CNTN2: variants seen among roughly 807,000 people sequenced by gnomAD.
The protein encoded by CNTN2 is contactin 2, also known as contactin-2.
In CNTN2, 53 loss-of-function variants were observed where a neutral mutation model predicts 117.5. That is an observed-to-expected ratio of 0.45 (90% CI 0.36 to 0.57). CNTN2 has a LOEUF of 0.57. Among genes scored for constraint, CNTN2 ranks in the 20% least tolerant of loss-of-function variants. The pLI, the probability that CNTN2 is intolerant of heterozygous loss-of-function variation, is 0.00. For missense variants in CNTN2, 1,106 were observed against 1,404.3 expected, an observed-to-expected ratio of 0.79 and a Z score of 3.39; for synonymous variants, 530 against 561.7, an observed-to-expected ratio of 0.94 and a Z score of 0.80.
rs968239273 is a variant in CNTN2 at position 205,074,550 on chromosome 1, G to A, written c.*785G>A. 3.8e-5 allele frequency: 15 copies of A among 398,220 alleles called. No individual in the cohort carries two copies. Among genetic ancestry groups the A allele is most frequent in the Non-Finnish European group, 4.4e-5 (10 of 226,118 alleles). The allele number at this position is 398,220 out of a possible 1,614,324, so 24.7% of individuals were successfully genotyped here. On this transcript the variant is annotated 3_prime_UTR_variant, in exon 23 of 23. Transcript: ENST00000331830. ...ACTGCCAACCTGACCCTGTCATCCCGATTGACAGCGCCACTTCAGGTGGCT... is the reference window on the plus strand; with the variant it reads ...ACTGCCAACCTGACCCTGTCATCCCAATTGACAGCGCCACTTCAGGTGGCT...
chr1:205,074,324 G>A lies in CNTN2; in HGVS notation c.*559G>A. On this transcript the variant is annotated 3_prime_UTR_variant, in exon 23 of 23. Coordinates refer to ENST00000331830, the MANE Select transcript of CNTN2 (RefSeq NM_005076.5). ...CCCCGATAACTCCCTAGGGGCTCCT[G>A]CCTGCCCAAGCGGCTGAGAACCAGC... 1 of 400,430 alleles carries A rather than the reference G, an allele frequency of 2.5e-6. No homozygotes were observed. The highest frequency in any genetic ancestry group is 4.4e-6 in the Non-Finnish European group (1 of 227,026). The allele number at this position is 400,430 out of a possible 1,614,324, so 24.8% of individuals were successfully genotyped here.
intron 2 of CNTN2, 69 bp from the exon 3 acceptor site, chr1:205,057,852 C>T: frequency 1.3e-6 from 2 of 1,561,862 alleles, no homozygotes; most frequent in Non-Finnish European, 8.7e-7. Flanking sequence ...TACTGGACAG[C>T]ACAGCCCAAG....
chr1:205,064,812 C>T, intron 12 of CNTN2, 62 bp downstream of exon 12: 1 of 1,591,134 alleles, frequency 6.3e-7, no homozygotes, highest in Non-Finnish European at 8.6e-7. Context: ...TCCTCCCCAT[C>T]ATCCTGCTCC....
At chr1:205,070,186 G>T in intron 18 of CNTN2, 125 bp downstream of exon 18, 1 of 942,260 alleles carries the variant, frequency 1.1e-6, no homozygotes, top group Non-Finnish European at 1.6e-6. Flanking sequence ...GGACACCTGG[G>T]TTCCACATCA....
At position 205,073,852 on chromosome 1, in the gene CNTN2, A is replaced by G; in HGVS notation, c.*87A>G. 3 of 1,088,456 alleles carry G rather than the reference A, an allele frequency of 2.8e-6. No individual in the cohort carries two copies. Among genetic ancestry groups the G allele is most frequent in the Non-Finnish European group, 4.1e-6 (3 of 728,164 alleles). The allele number at this position is 1,088,456 out of a possible 1,614,324, so 67.4% of individuals were successfully genotyped here. A position where few individuals can be genotyped will look rare whatever the true frequency, so the allele number is the denominator to read the frequency against. ...CTTCCTGCTGCCAAGGTGGCCTGAC[A>G]CTGTGCCAGAGAGTGGCTGGTTTTA... On this transcript the variant is annotated 3_prime_UTR_variant, in exon 23 of 23. Transcript: ENST00000331830. The surrounding 1 kb of genome is among the most constrained non-coding windows in gnomAD (Gnocchi z 6.3).
chr1:205,050,853 A>G (rs1020539132), intron 1 of CNTN2, among the ~76,000 whole-genome samples: 1 of 152,182 alleles, frequency 6.6e-6, no homozygotes, highest in Non-Finnish European at 1.5e-5. Flanking sequence ...TCCTGACCTC[A>G]GGTGATCCAC....
At position 205,064,308 on chromosome 1, in the gene CNTN2, C is replaced by T. The variant is rs950605444; in HGVS notation, c.1241-14C>T. The T allele has an allele frequency of 3.2e-6, 5 of 1,547,436 alleles. No homozygotes were observed. Among genetic ancestry groups the T allele is most frequent in the Non-Finnish European group, 4.4e-6 (5 of 1,143,330 alleles). On this transcript the variant is annotated splice_polypyrimidine_tract_variant and intron_variant, in intron 10 of 22. Coordinates refer to ENST00000331830, the MANE Select transcript of CNTN2 (RefSeq NM_005076.5). ...GACAGTACTTTTCTCTGTGGCTCTC[C>T]CCTTTCCTTCTAGCACTCGCCCCTG...
In CNTN2 at chr1:205,065,126, T is replaced by C. The variant is rs1654208970; in HGVS notation, c.1559T>C (p.Ile520Thr). ...ACTCTAGCCCCCTCAAGTGCCGACATCAACTTGGGTGACAACCTGACCCTA... is the reference window on the plus strand; with the variant it reads ...ACTCTAGCCCCCTCAAGTGCCGACACCAACTTGGGTGACAACCTGACCCTA... Reference protein sequence around the residue: ...KITLAPSSADINLGDNLTLQC... With the variant: ...KITLAPSSADTNLGDNLTLQC... The change falls in exon 13 of 23, where the codon ATC becomes ACC. Residue 520 changes from isoleucine (I) to threonine (T), a missense_variant. By Grantham distance (89) the Ile-to-Thr change is moderately conservative. Transcript: ENST00000331830. The surrounding 1 kb of genome is among the most constrained non-coding windows in gnomAD (Gnocchi z 4.1). 1 of 1,614,054 alleles carries C rather than the reference T, an allele frequency of 6.2e-7. No homozygotes were observed. Among genetic ancestry groups the C allele is most frequent in the Non-Finnish European group, 8.5e-7 (1 of 1,180,010 alleles).
intron 20 of CNTN2, 111 bp from the exon 21 acceptor site, chr1:205,072,359 ATGACAGAATGTGC>A: frequency 5.8e-6 from 5 of 866,052 alleles, no homozygotes; most frequent in African/African-American, 1.7e-5. Context: ...TTTCGTGGGC[ATGACAGAATGTGC>A]TGGGTGTAAC....
chr1:205,049,295 C>T (rs1448929254), intron 1 of CNTN2, among the ~76,000 whole-genome samples: 9 of 145,026 alleles, frequency 6.2e-5, no homozygotes, highest in African/African-American at 2.4e-4. Context: ...CACACACACA[C>T]ACACACACAC....
Position 205,073,151 on chromosome 1 carries a change from C to T in CNTN2, c.2928C>T (p.Asp976=), listed in dbSNP as rs2151200798. 6.2e-7 allele frequency: 1 copy of T among 1,614,194 alleles called. No individual in the cohort carries two copies. The highest frequency in any genetic ancestry group is 8.5e-7 in the Non-Finnish European group (1 of 1,180,026). The change falls in exon 22 of 23, where the codon GAC becomes GAT. Residue 976 remains aspartate, a synonymous_variant. Coordinates refer to ENST00000331830, the MANE Select transcript of CNTN2 (RefSeq NM_005076.5). This position sits in a 1 kb window ranked among gnomAD's most constrained non-coding sequence, Gnocchi z 6.3. ...KNWIEIPVPE[D]IGHALVQIRT... is the part of the protein sequence containing the mutation. ...GGATAGAAATCCCAGTGCCTGAAGACATTGGCCATGCCCTGGTACAAATTC... is the reference window on the plus strand; with the variant it reads ...GGATAGAAATCCCAGTGCCTGAAGATATTGGCCATGCCCTGGTACAAATTC...
chr1:205,057,017 G>A (rs1310180738), intron 2 of CNTN2, among the ~76,000 whole-genome samples: 1 of 152,128 alleles, frequency 6.6e-6, no homozygotes, highest in African/African-American at 2.4e-5. Flanking sequence ...GTATAAAACT[G>A]CCACCAAAGC....
chr1:205,070,213 C>T, intron 18 of CNTN2, 152 bp downstream of exon 18: 1 of 789,792 alleles, frequency 1.3e-6, no homozygotes, highest in Non-Finnish European at 2.0e-6. Flanking sequence ...TCACTTCCAG[C>T]TCTTGCTACC....
At chr1:205,062,138 C>A in intron 9 of CNTN2, 137 bp downstream of exon 9, 1 of 1,096,352 alleles carries the variant, frequency 9.1e-7, no homozygotes, top group Non-Finnish European at 1.3e-6. Flanking sequence ...GTCCTAGGAC[C>A]ACCTAAGGAC....
intron 9 of CNTN2, 36 bp downstream of exon 9, chr1:205,062,037 C>T: frequency 6.2e-7 from 1 of 1,605,060 alleles, no homozygotes; most frequent in African/African-American, 1.3e-5. Context: ...CACATCACAA[C>T]TGTCCTCTGC....
At chr1:205,072,974 AC>A in intron 21 of CNTN2, 93 bp from the exon 22 acceptor site, 1 of 1,383,836 alleles carries the variant, frequency 7.2e-7, no homozygotes. Context: ...AGAGCCCAGA[AC>A]CATCGGGTCT....
chr1:205,045,855 T>G (rs1384523120), intron 1 of CNTN2, among the ~76,000 whole-genome samples: 1 of 152,170 alleles, frequency 6.6e-6, no homozygotes, highest in Non-Finnish European at 1.5e-5. Context: ...TGTGGAGAAC[T>G]GGGGTCTGGT....
Position 205,065,926 on chromosome 1 carries a change from C to A in CNTN2, c.1816+17C>A. The A allele has an allele frequency of 6.3e-7, 1 of 1,598,352 alleles. No individual in the cohort carries two copies. Among genetic ancestry groups the A allele is most frequent in the South Asian group, 1.1e-5 (1 of 88,424 alleles). ...TGGTCCGAGGTGAGGGGTTTCCCAC[C>A]TCTACCCCTACCCCAACTCCCTTAA... is the stretch of plus-strand genomic sequence containing the variant. On this transcript the variant is annotated intron_variant, in intron 14 of 22. Coordinates refer to ENST00000331830, the MANE Select transcript of CNTN2 (RefSeq NM_005076.5). The surrounding 1 kb of genome is among the most constrained non-coding windows in gnomAD (Gnocchi z 4.1).
chr1:205,057,905 G>C lies in CNTN2; in HGVS notation c.71-16G>C. 1 of 1,611,006 alleles carries C rather than the reference G, an allele frequency of 6.2e-7. No homozygotes were observed. The highest frequency in any genetic ancestry group is 8.5e-7 in the Non-Finnish European group (1 of 1,177,694). On this transcript the variant is annotated splice_polypyrimidine_tract_variant and intron_variant, in intron 2 of 22. Transcript: ENST00000331830. ...GGCCAAGGCTCTGAGGCATCTGGTG[G>C]TGTCATCACCTGCAGCTTGGAGTTC...
Sources: gnomAD v4.1 joint callset for allele counts (sites outside exome capture counted in the v4.1 genomes callset) on GRCh38, gnomAD v4.1.1 for gene constraint, Gnocchi (gnomAD v3.1) non-coding constraint, MANE v1.5 for transcripts, NCBI Gene and HGNC (gene_info 2026-07-23, HGNC 2026-07-21) for gene names.